The following VILL variants were observed in gnomAD, a reference collection of about 807,000 sequenced individuals.
The protein encoded by VILL is villin-like protein.
Under a neutral mutation model 106.3 loss-of-function variants are expected in VILL, and 102 were observed. That is an observed-to-expected ratio of 0.96 (90% CI 0.82 to 1.13). VILL has a LOEUF of 1.13. VILL is among the 50% of genes most tolerant of loss of function. The pLI is 0.00. For missense variants in VILL, 1,076 were observed against 1,116.6 expected (o/e 0.96, Z 0.52); for synonymous variants, 431 against 440.3 (o/e 0.98, Z 0.27).
chr3:38,007,090 C>T lies in VILL; in HGVS notation c.*35C>T. 2 of 1,542,174 alleles carry T rather than the reference C, an allele frequency of 1.3e-6. No homozygotes were observed. Among genetic ancestry groups the T allele is most frequent in the Non-Finnish European group, 1.8e-6 (2 of 1,116,456 alleles). ...CTCTCGACTGCCCCTATCCCCTGGACCCCAACATACCTACAATGCTGGGGA... is the reference window on the plus strand; with the variant it reads ...CTCTCGACTGCCCCTATCCCCTGGATCCCAACATACCTACAATGCTGGGGA... On this transcript the variant is annotated 3_prime_UTR_variant, in exon 20 of 20. Transcript: ENST00000383759.
At position 38,001,906 on chromosome 3, in the gene VILL, A is replaced by C; in HGVS notation, c.1479+46A>C. 1.9e-6 allele frequency: 3 copies of C among 1,612,892 alleles called. No individual in the cohort carries two copies. In the Admixed American group the frequency reaches 5.0e-5, roughly 27 times the overall value. On this transcript the variant is annotated intron_variant, in intron 13 of 19. Coordinates refer to ENST00000383759, the MANE Select transcript of VILL (RefSeq NM_015873.4). ...CTGGCCACAGCCTGCCCAGTTCTGC[A>C]TGGGCCATGGCCCCCGCACACACTT...
At position 38,004,209 on chromosome 3, in the gene VILL, G is replaced by A. The variant is rs779159403; in HGVS notation, c.1806-46G>A. The A allele has an allele frequency of 4.4e-6, 7 of 1,576,574 alleles. No individual in the cohort carries two copies. In the African/African-American group the frequency reaches 8.1e-5, roughly 18 times the overall value. On this transcript the variant is annotated intron_variant, in intron 15 of 19. Transcript: ENST00000383759. ...GTGGGGCACTTGTGCCATGGGCTGG[G>A]GTGCCCCTCTGGGTGGCTCACAGCC...
Position 38,001,437 on chromosome 3 carries a change from T to C in VILL, c.1183-19T>C, listed in dbSNP as rs779212540. On this transcript the variant is annotated intron_variant, in intron 11 of 19. Coordinates refer to ENST00000383759, the MANE Select transcript of VILL (RefSeq NM_015873.4). ...CAGGAAGAGCAGCCACCTGTGCCCA[T>C]TGGTCCCTTATTCCCCAGGTGTGGT... 42 of 1,612,604 alleles carry C rather than the reference T, an allele frequency of 2.6e-5. No individual in the cohort carries two copies. Among genetic ancestry groups the C allele is most frequent in the East Asian group, 2.2e-5 (1 of 44,900 alleles).
chr3:38,001,280 C>G (rs1198559174), intron 11 of VILL, 176 bp from the exon 12 acceptor site: 18 of 954,046 alleles, frequency 1.9e-5, no homozygotes, highest in Non-Finnish European at 2.4e-5. Context: ...ACCTGCAGAT[C>G]CTTGTACAAA....
In VILL at chr3:38,001,959, C is replaced by T. The variant is rs776799459; in HGVS notation, c.1479+99C>T. 6.4e-6 allele frequency: 10 copies of T among 1,553,864 alleles called. No homozygotes were observed. The East Asian group carries it at 7.0e-5, about 11-fold the overall frequency. ...AAGCACCTTCTCTTTGGGCCTGGGG[C>T]CTGCTTATCATCCCCTAGTTTCCCA... On this transcript the variant is annotated intron_variant, in intron 13 of 19. Coordinates refer to ENST00000383759, the MANE Select transcript of VILL (RefSeq NM_015873.4).
Position 37,994,359 on chromosome 3 carries a change from C to T in VILL, c.234C>T (p.Ala78=), listed in dbSNP as rs140917094. Residue 78 remains alanine, a synonymous_variant, in exon 4 of 20, where the codon GCC becomes GCT. Transcript: ENST00000383759. The part of the protein sequence containing the change: ...AGAEAQGAAE[A]FQQRLQDELG... ...CGGAAGCGCAGGGCGCTGCGGAGGCCTTCCAGCAGCGCCTACAGGACGAGC... is the reference window on the plus strand; with the variant it reads ...CGGAAGCGCAGGGCGCTGCGGAGGCTTTCCAGCAGCGCCTACAGGACGAGC... 1.1e-5 allele frequency: 18 copies of T among 1,611,746 alleles called. No homozygotes were observed. The highest frequency in any genetic ancestry group is 1.7e-5 in the Admixed American group (1 of 59,850).
chr3:37,996,078 T>G (rs757128575), intron 5 of VILL, among the ~76,000 whole-genome samples: 37 of 152,114 alleles, frequency 2.4e-4, no homozygotes, highest in Non-Finnish European at 1.0e-4. Flanking sequence ...ATTGAGAACA[T>G]GGGCACAGCT....
Position 38,001,799 on chromosome 3 carries a change from C to T in VILL, c.1418C>T (p.Thr473Ile). The change falls in exon 13 of 20, where the codon ACC becomes ATC. Residue 473 changes from threonine (T) to isoleucine (I), a missense_variant. By Grantham distance (89) the Thr-to-Ile change is moderately conservative (BLOSUM62 -1). Coordinates refer to ENST00000383759, the MANE Select transcript of VILL (RefSeq NM_015873.4). ...YGGVLVQEHVTMGSEPPHFLA... is the reference protein window; with the variant it reads ...YGGVLVQEHVIMGSEPPHFLA... ...GGCGTCCTAGTACAGGAGCATGTGA[C>T]CATGGGCAGCGAGCCCCCCCACTTC... is the stretch of plus-strand genomic sequence containing the variant. 1 of 1,614,216 alleles carries T rather than the reference C, an allele frequency of 6.2e-7. No individual in the cohort carries two copies. The highest frequency in any genetic ancestry group is 8.5e-7 in the Non-Finnish European group (1 of 1,180,030).
chr3:37,993,886 C>G lies in VILL; in HGVS notation c.61-12C>G, dbSNP rs773491575. ...GCCTCCTGAGTTGTTACAGGGAACT[C>G]TCCTCTCCCAGAACCGGAAGATGGT... On this transcript the variant is annotated splice_polypyrimidine_tract_variant and intron_variant, in intron 2 of 19. Transcript: ENST00000383759. 43 of 1,614,070 alleles carry G rather than the reference C, an allele frequency of 2.7e-5. No homozygotes were observed. Among genetic ancestry groups the G allele is most frequent in the Non-Finnish European group, 3.6e-5 (43 of 1,180,030 alleles).
At chr3:38,004,207 G>A (rs757463811) in intron 15 of VILL, 48 bp from the exon 16 acceptor site, 2 of 1,575,394 alleles carry the variant, frequency 1.3e-6, no homozygotes, top group Admixed American at 3.4e-5. Flanking sequence ...GCCATGGGCT[G>A]GGGTGCCCCT....
rs776317993 is a variant in VILL, at chr3:38,001,700, A to T, written c.1321-2A>T. 4.3e-5 allele frequency: 69 copies of T among 1,614,038 alleles called. No individual in the cohort carries two copies. Among genetic ancestry groups the T allele is most frequent in the Non-Finnish European group, 5.7e-5 (67 of 1,179,996 alleles). ...GCCCTCACTCACTGCCCCCACCTGC[A>T]GGGCCACCAGGCCACTGCGGATGAG... On this transcript the variant is annotated splice_acceptor_variant, in intron 12 of 19. Transcript: ENST00000383759. LOFTEE classifies it high-confidence loss of function.
upstream of VILL, among the ~76,000 whole-genome samples, chr3:37,988,659 T>G (rs1380108717): frequency 1.3e-5 from 2 of 152,136 alleles, no homozygotes; most frequent in African/African-American, 4.8e-5. Flanking sequence ...GGTCAGGAGT[T>G]CGCAACCAGC....
intron 15 of VILL, 167 bp downstream of exon 15, chr3:38,003,480 TC>T: frequency 1.1e-6 from 1 of 885,566 alleles, no homozygotes; most frequent in Non-Finnish European, 1.6e-6. Flanking sequence ...CACGCTTCGC[TC>T]CCAGGCCTGG....
At chr3:37,994,504 G>C (rs766895307) in intron 4 of VILL, 38 bp downstream of exon 4, 27 of 1,594,584 alleles carry the variant, frequency 1.7e-5, no homozygotes, top group Non-Finnish European at 2.3e-5. Context: ...GGGAGCCGTG[G>C]AGGCGGTGCC....
chr3:38,005,249 C>A (rs891798514), intron 16 of VILL, among the ~76,000 whole-genome samples: 1 of 152,130 alleles, frequency 6.6e-6, no homozygotes, highest in East Asian at 1.9e-4. Context: ...ACCTGGCCAG[C>A]CCCAACTCTT....
Position 37,997,980 on chromosome 3 carries a change from C to A in VILL, c.765-110C>A. ...GAAGACTACAACTCGGGGCCCCAGCCCCCATGCCTTCTGTCTCTGAGGGAC... is the reference window on the plus strand; with the variant it reads ...GAAGACTACAACTCGGGGCCCCAGCACCCATGCCTTCTGTCTCTGAGGGAC... On this transcript the variant is annotated intron_variant, in intron 7 of 19. Coordinates refer to ENST00000383759, the MANE Select transcript of VILL (RefSeq NM_015873.4). This position sits in a 1 kb window ranked among gnomAD's most constrained non-coding sequence, Gnocchi z 4.7. 2 of 1,185,150 alleles carry A rather than the reference C, an allele frequency of 1.7e-6. No homozygotes were observed. Among genetic ancestry groups the A allele is most frequent in the South Asian group, 1.5e-5 (1 of 66,598 alleles). 73.4% of individuals were successfully genotyped at this position (1,185,150 alleles called of 1,614,324 possible).
chr3:38,000,787 T>C, intron 11 of VILL: 1 of 432,626 alleles, frequency 2.3e-6, no homozygotes, highest in East Asian at 7.2e-5. Context: ...CAGGGACAAC[T>C]GTCAGGGTCA....
rs377016866 is a variant in VILL, at chr3:38,004,287, G to A, written c.1838G>A (p.Arg613Gln). 95 of 1,613,606 alleles carry A rather than the reference G, an allele frequency of 5.9e-5. No individual in the cohort carries two copies. The highest frequency in any genetic ancestry group is 1.5e-4 in the African/African-American group (11 of 74,954). Residue 613 changes from arginine to glutamine, a missense_variant, in exon 16 of 20, where the codon CGA (arginine) becomes CAA (glutamine). Coordinates refer to ENST00000383759, the MANE Select transcript of VILL (RefSeq NM_015873.4). ...GAGGAGGTCCCCAGCTTCCAGCCAC[G>A]ACTGTTTGAGTGCTCCAGCCACATG... is the stretch of plus-strand genomic sequence containing the variant. ...LPEEVPSFQP[R>Q]LFECSSHMGC...
rs149138864 is a variant in VILL at position 37,997,160 on chromosome 3, C to G, written c.534C>G (p.Pro178=). 1.9e-6 allele frequency: 3 copies of G among 1,614,146 alleles called. No homozygotes were observed. Among genetic ancestry groups the G allele is most frequent in the Non-Finnish European group, 8.5e-7 (1 of 1,180,012 alleles). The change falls in exon 6 of 20, where the codon CCC becomes CCG. Residue 178 remains proline (P), a synonymous_variant. Transcript: ENST00000383759. The surrounding 1 kb of genome is among the most constrained non-coding windows in gnomAD (Gnocchi z 4.7). The part of the protein sequence containing the change: ...LGKMMIQWNG[P]KTSISEKARG... ...AGATGATGATTCAGTGGAATGGGCC[C>G]AAGACCAGCATTTCTGAGAAGGCTC...
Sources: allele counts gnomAD v4.1 joint callset (sites outside exome capture counted in the v4.1 genomes callset), GRCh38; gene constraint gnomAD v4.1.1; non-coding constraint Gnocchi (gnomAD v3.1); transcripts MANE v1.5; gene names NCBI Gene and HGNC (gene_info 2026-07-23, HGNC 2026-07-21).